Variants in PGAP2 observed in about 807,000 individuals in gnomAD.
The protein encoded by PGAP2 is acyltransferase PGAP2.
A neutral mutation model predicts 33.2 loss-of-function variants in PGAP2; 21 were observed. The ratio of observed to expected loss-of-function variants is 0.63; its 90% CI spans 0.45 to 0.91. The LOEUF is 0.91. Among genes scored for constraint, PGAP2 ranks in the 40% least tolerant of loss-of-function variants. The pLI is 0.00. For synonymous variants in PGAP2, 161 were observed against 172.9 expected (o/e 0.93, Z 0.54); for missense variants, 345 against 424.0 (o/e 0.81, Z 1.64).
At chr11:3,816,177 G>A (rs371232774) in intron 2 of PGAP2, 1 of 152,768 alleles carries the variant, frequency 6.5e-6, no homozygotes, top group African/African-American at 2.4e-5. Context: ...GGAGCAGGGG[G>A]TGGGATCCTC....
At chr11:3,823,266 C>A (rs1404555087) in intron 3 of PGAP2, among the ~76,000 whole-genome samples, 1 of 151,824 alleles carries the variant, frequency 6.6e-6, no homozygotes, top group African/African-American at 2.4e-5. Flanking sequence ...TAACTCCTGA[C>A]CTCGGGTGAT....
chr11:3,824,357 A>C lies in PGAP2; in HGVS notation c.689A>C (p.Lys230Thr). ...TGCATTCTCTGGCGGTTGACCAAGA[A>C]GCACACAGTAAGTCAGGAGGTACGG... ...LTCILWRLTKKHTVSQEDRKS... is the reference protein window; with the variant it reads ...LTCILWRLTKTHTVSQEDRKS... Residue 230 changes from lysine (K) to threonine (T), a missense_variant, in exon 5 of 7, where the codon AAG becomes ACG. Lys to Thr is a moderately conservative substitution (Grantham distance 78). This residue lies in a region of PGAP2 where 311 missense variants were observed against 353.6 expected (regional missense o/e 0.88). Coordinates refer to ENST00000278243, the MANE Select transcript of PGAP2 (RefSeq NM_014489.4). 6.2e-7 allele frequency: 1 copy of C among 1,614,234 alleles called. No homozygotes were observed. The highest frequency in any genetic ancestry group is 2.2e-5 in the East Asian group (1 of 44,890).
Position 3,826,135 on chromosome 11 carries a change from G to C in PGAP2, c.*677G>C, listed in dbSNP as rs2089988648. The C allele has an allele frequency of 6.6e-6, 1 of 152,360 alleles. No homozygotes were observed. Among genetic ancestry groups the C allele is most frequent in the Non-Finnish European group, 1.5e-5 (1 of 68,206 alleles). The allele number at this position is 152,360 out of a possible 1,614,324, so 9.4% of individuals were successfully genotyped here. A position where few individuals can be genotyped will look rare whatever the true frequency, so the allele number is the denominator to read the frequency against. On this transcript the variant is annotated 3_prime_UTR_variant, in exon 7 of 7. Transcript: ENST00000278243. ...TATACCTAAAGGATGACCTGCTCCA[G>C]AAACAGCACCAGCACAGCATGTATT...
chr11:3,805,579 A>T (rs566508422), upstream of PGAP2, among the ~76,000 whole-genome samples: 1 of 145,904 alleles, frequency 6.9e-6, no homozygotes, highest in Non-Finnish European at 1.5e-5. Flanking sequence ...TCCTAAATCA[A>T]TTTTACAGGC....
At chr11:3,812,603 A>T (rs971470176) in intron 2 of PGAP2, among the ~76,000 whole-genome samples, 1 of 152,146 alleles carries the variant, frequency 6.6e-6, no homozygotes, top group African/African-American at 2.4e-5. Context: ...AATGAACTTA[A>T]CCTAGGGGCT....
chr11:3,814,812 C>T lies in PGAP2; in HGVS notation c.166-2541C>T, dbSNP rs866544319. ...TCTTTCTTTCTTTCTTTCTTTCTTT[C>T]TCTTTCTTTCTTTTTTTCTTTTTTT... On this transcript the variant is annotated intron_variant, in intron 2 of 6. Coordinates refer to ENST00000278243, the MANE Select transcript of PGAP2 (RefSeq NM_014489.4). 1.1e-4 allele frequency among the ~76,000 whole-genome samples: 11 copies of T among 97,506 alleles called. 1 individual carries two copies. In the South Asian group the frequency reaches 3.7e-3, roughly 33 times the overall value. The allele number at this position is 97,506 out of a possible 152,430, so 64.0% of individuals were successfully genotyped here.
intron 1 of PGAP2, among the ~76,000 whole-genome samples, chr11:3,798,701 T>C (rs1171868957): frequency 6.7e-6 from 1 of 148,586 alleles, no homozygotes; most frequent in Non-Finnish European, 1.5e-5. Context: ...TGGAGTGCAG[T>C]GGCACGATCT....
Position 3,823,979 on chromosome 11 carries a change from CGCTTCTTGGTG to C in PGAP2, c.448_458del (p.Phe150LeufsTer117), listed in dbSNP as rs1237913634. 1 of 1,613,068 alleles carries C rather than the reference CGCTTCTTGGTG, an allele frequency of 6.2e-7. No individual in the cohort carries two copies. The highest frequency in any genetic ancestry group is 8.5e-7 in the Non-Finnish European group (1 of 1,180,024). On this transcript the variant is annotated frameshift_variant, in exon 4 of 7. Coordinates refer to ENST00000278243, the MANE Select transcript of PGAP2 (RefSeq NM_014489.4). LOFTEE classifies it high-confidence loss of function. ...CTGCATCGGCCTGCACTCGGCGCCT[CGCTTCTTGGTG>C]GCCTTCGCCTACTGGAACCACTACC...
Position 3,825,717 on chromosome 11 carries a change from T to G in PGAP2, c.*259T>G, listed in dbSNP as rs2089913291. 3 of 250,280 alleles carry G rather than the reference T, an allele frequency of 1.2e-5. No homozygotes were observed. Among genetic ancestry groups the G allele is most frequent in the Admixed American group, 5.8e-5 (1 of 17,124 alleles). The allele number at this position is 250,280 out of a possible 1,614,324, so 15.5% of individuals were successfully genotyped here. A position where few individuals can be genotyped will look rare whatever the true frequency, so the allele number is the denominator to read the frequency against. The stretch of plus-strand genomic sequence containing the variant: ...TGAGCTGGCAGAGAGCTCCACCATT[T>G]GGTGCTAAAAAAAAAAACGTCCTGA... On this transcript the variant is annotated 3_prime_UTR_variant, in exon 7 of 7. Transcript: ENST00000278243.
At chr11:3,824,400 C>G in intron 5 of PGAP2, 24 bp downstream of exon 5, 1 of 1,614,170 alleles carries the variant, frequency 6.2e-7, no homozygotes, top group Non-Finnish European at 8.5e-7. Context: ...CTAGCGGGGG[C>G]TCCAAGGCAG....
upstream of PGAP2, chr11:3,808,060 G>T: frequency 1.4e-6 from 2 of 1,418,134 alleles, no homozygotes; most frequent in Non-Finnish European, 1.8e-6. Context: ...TCTGGGATGT[G>T]CCTCACCGGG....
At chr11:3,821,830 AG>A (rs137878108) in intron 3 of PGAP2, among the ~76,000 whole-genome samples, 11,392 of 150,318 alleles carry the variant, frequency 0.076, 1,422 homozygotes, top group African/African-American at 0.26. Flanking sequence ...TGAGAGGCCG[AG>A]GGGGGTGGAT....
intron 2 of PGAP2, among the ~76,000 whole-genome samples, chr11:3,816,761 G>T (rs2134645180): frequency 6.6e-6 from 1 of 152,314 alleles, no homozygotes; most frequent in South Asian, 2.1e-4. Context: ...TAGGCTCTGG[G>T]GCACTCCCTC....
rs2089495360 is a variant in PGAP2, at chr11:3,823,982, T to A, written c.448T>A (p.Phe150Ile). The A allele has an allele frequency of 1.9e-6, 3 of 1,613,100 alleles. No homozygotes were observed. In the South Asian group the frequency reaches 3.3e-5, roughly 18 times the overall value. The part of the protein sequence containing the change: ...FCIGLHSAPR[F>I]LVAFAYWNHY... ...CATCGGCCTGCACTCGGCGCCTCGC[T>A]TCTTGGTGGCCTTCGCCTACTGGAA... is the stretch of plus-strand genomic sequence containing the variant. The change falls in exon 4 of 7, where the codon TTC (phenylalanine) becomes ATC (isoleucine). Residue 150 changes from phenylalanine to isoleucine, a missense_variant. Physicochemically the swap from Phe to Ile is conservative, Grantham distance 21 (BLOSUM62 0). This residue lies in a region of PGAP2 where 311 missense variants were observed against 353.6 expected (regional missense o/e 0.88). Coordinates refer to ENST00000278243, the MANE Select transcript of PGAP2 (RefSeq NM_014489.4).
intron 2 of PGAP2, among the ~76,000 whole-genome samples, chr11:3,813,337 C>T (rs2086015080): frequency 6.6e-6 from 1 of 151,908 alleles, no homozygotes; most frequent in African/African-American, 2.4e-5. Flanking sequence ...TAACCTCAGA[C>T]TCCTGAGTAG....
intron 1 of PGAP2, chr11:3,797,999 T>C: frequency 6.5e-7 from 1 of 1,537,338 alleles, no homozygotes; most frequent in South Asian, 1.2e-5. Context: ...ATTCGACCCT[T>C]TCCTTGCCCC....
upstream of PGAP2, chr11:3,808,015 C>T: frequency 7.4e-7 from 1 of 1,360,096 alleles, no homozygotes; most frequent in Non-Finnish European, 9.5e-7. Context: ...GCGCCCTCTC[C>T]TGAACAAAGG....
chr11:3,808,947 C>T (rs1376803563), intron 1 of PGAP2, among the ~76,000 whole-genome samples: 3 of 152,124 alleles, frequency 2.0e-5, no homozygotes, highest in Admixed American at 2.0e-4. Context: ...GGTTGGAACC[C>T]CATAGAGTAG....
chr11:3,824,194 C>G (rs2089553033), intron 4 of PGAP2, 59 bp downstream of exon 4: 2 of 1,612,624 alleles, frequency 1.2e-6, no homozygotes, highest in African/African-American at 1.3e-5. Context: ...GGGCCTGCCC[C>G]TACCACATTC....
Sources: gnomAD v4.1 joint callset for allele counts (sites outside exome capture counted in the v4.1 genomes callset) on GRCh38, gnomAD v4.1.1 for gene constraint, gnomAD v4.1.1 regional missense constraint, MANE v1.5 for transcripts, NCBI Gene and HGNC (gene_info 2026-07-23, HGNC 2026-07-21) for gene names.